STXBP5: variants seen among roughly 807,000 people sequenced by gnomAD.
The protein encoded by STXBP5 is syntaxin-binding protein 5.
In STXBP5, 50 loss-of-function variants were observed where a neutral mutation model predicts 152.4. The ratio of observed to expected loss-of-function variants is 0.33; its 90% CI spans 0.26 to 0.42. The LOEUF is 0.42. STXBP5 is among the 10% of genes least tolerant of loss of function. STXBP5 has a pLI of 1.00. For missense variants in STXBP5, 1,167 were observed against 1,388.6 expected, an observed-to-expected ratio of 0.84 and a Z score of 2.54; for synonymous variants, 492 against 494.7, an observed-to-expected ratio of 0.99 and a Z score of 0.07.
chr6:147,281,778 T>C (rs1780714679), intron 8 of STXBP5, among the ~76,000 whole-genome samples: 1 of 152,220 alleles, frequency 6.6e-6, no homozygotes, highest in South Asian at 2.1e-4. Context: ...GGTTAAGATA[T>C]CCTTGAAGAA....
chr6:147,365,169 A>C (rs996957174), intron 25 of STXBP5, among the ~76,000 whole-genome samples: 1 of 152,184 alleles, frequency 6.6e-6, no homozygotes, highest in African/African-American at 2.4e-5. Context: ...GCTATACTAT[A>C]CTGGAAACCT....
intron 9 of STXBP5, 24 bp downstream of exon 9, chr6:147,291,196 T>C: frequency 1.3e-6 from 2 of 1,593,728 alleles, no homozygotes; most frequent in Non-Finnish European, 1.7e-6. Flanking sequence ...TCATTGCCAA[T>C]GTTCATTGTA....
chr6:147,204,818 G>T lies in STXBP5; in HGVS notation c.150+136G>T. ...TAATAATAACTCTAATAAAAGGCTC[G>T]CTCCTCCCTTGGCAAACGTTTCTTC... On this transcript the variant is annotated intron_variant, in intron 1 of 27. Coordinates refer to ENST00000321680, the MANE Select transcript of STXBP5 (RefSeq NM_001127715.4). The surrounding 1 kb of genome is among the most constrained non-coding windows in gnomAD (Gnocchi z 4.3). 1 of 1,027,950 alleles carries T rather than the reference G, an allele frequency of 9.7e-7. No individual in the cohort carries two copies. The highest frequency in any genetic ancestry group is 1.3e-6 in the Non-Finnish European group (1 of 742,620). The allele number at this position is 1,027,950 out of a possible 1,614,324, so 63.7% of individuals were successfully genotyped here.
intron 23 of STXBP5, among the ~76,000 whole-genome samples, chr6:147,361,503 A>G (rs1437678067): frequency 6.6e-6 from 1 of 152,142 alleles, no homozygotes; most frequent in Admixed American, 6.5e-5. Flanking sequence ...TGTCATCGGT[A>G]TTGGAGCCCT....
At chr6:147,228,449 G>A (rs1379716313) in intron 2 of STXBP5, among the ~76,000 whole-genome samples, 4 of 151,868 alleles carry the variant, frequency 2.6e-5, no homozygotes, top group Admixed American at 2.6e-4. Context: ...GAACATTTTA[G>A]AGTGGTGTAT....
At chr6:147,287,940 A>G (rs1781070142) in intron 8 of STXBP5, among the ~76,000 whole-genome samples, 1 of 151,968 alleles carries the variant, frequency 6.6e-6, no homozygotes, top group African/African-American at 2.4e-5. Flanking sequence ...GATAGGTGTT[A>G]TGAGTCATTT....
At chr6:147,276,113 A>G (rs1052055465) in intron 7 of STXBP5, among the ~76,000 whole-genome samples, 3 of 152,192 alleles carry the variant, frequency 2.0e-5, no homozygotes, top group Admixed American at 6.5e-5. Context: ...TCTCAAGAAT[A>G]CTAAAGAAAA....
chr6:147,264,017 C>T (rs1779766762), intron 6 of STXBP5, among the ~76,000 whole-genome samples: 1 of 151,278 alleles, frequency 6.6e-6, no homozygotes, highest in African/African-American at 2.4e-5. Context: ...GCTCAATATA[C>T]AATTATATGG....
At position 147,278,181 on chromosome 6, in the gene STXBP5, C is replaced by T. The variant is rs1780536486; in HGVS notation, c.815C>T (p.Pro272Leu). Reference sequence around the variant, plus strand: ...TGGAATGTAAGGTCCCCTGCTAAACCAGTACAGACAATCACTCCACATGGT... The same window carrying T: ...TGGAATGTAAGGTCCCCTGCTAAACTAGTACAGACAATCACTCCACATGGT... ...TIWNVRSPAK[P>L]VQTITPHGKQ... The change falls in exon 8 of 28, where the codon CCA (proline) becomes CTA (leucine). Residue 272 changes from proline to leucine, a missense_variant. Physicochemically the swap from Pro to Leu is moderately conservative, Grantham distance 98 (BLOSUM62 -3). Around this residue, in one of 3 missense-constraint regions of STXBP5, gnomAD observed 310 missense variants for 346.1 expected, o/e 0.90. Coordinates refer to ENST00000321680, the MANE Select transcript of STXBP5 (RefSeq NM_001127715.4). The T allele has an allele frequency of 1.9e-6, 3 of 1,610,908 alleles. No individual in the cohort carries two copies. The highest frequency in any genetic ancestry group is 2.5e-6 in the Non-Finnish European group (3 of 1,178,164).
intron 2 of STXBP5, among the ~76,000 whole-genome samples, chr6:147,230,717 A>G (rs1230761204): frequency 6.6e-6 from 1 of 151,404 alleles, no homozygotes; most frequent in Non-Finnish European, 1.5e-5. Context: ...AGGGTTGGTA[A>G]TTTATACTGT....
chr6:147,215,633 C>T (rs1042349830), intron 2 of STXBP5, among the ~76,000 whole-genome samples: 2 of 152,194 alleles, frequency 1.3e-5, no homozygotes, highest in Admixed American at 1.3e-4. Flanking sequence ...CCGCCCACCT[C>T]AGCCTCCTAG....
intron 19 of STXBP5, among the ~76,000 whole-genome samples, chr6:147,338,887 G>GT (rs201971768): frequency 0.035 from 5,371 of 151,346 alleles, 147 homozygotes; most frequent in Admixed American, 0.054. Context: ...ACTATTTATA[G>GT]TTTTTTTTAA....
At chr6:147,344,964 A>G (rs1364515470) in intron 21 of STXBP5, among the ~76,000 whole-genome samples, 2 of 152,340 alleles carry the variant, frequency 1.3e-5, no homozygotes, top group African/African-American at 2.4e-5. Flanking sequence ...GAGTTCAAGA[A>G]TGAAAAGAAC....
chr6:147,217,710 A>G (rs528173314), intron 2 of STXBP5, among the ~76,000 whole-genome samples: 48 of 152,166 alleles, frequency 3.2e-4, no homozygotes, highest in Non-Finnish European at 6.0e-4. Flanking sequence ...ATAATTATGT[A>G]TTAGTCTGAA....
At chr6:147,263,193 A>T (rs1228596279) in intron 6 of STXBP5, among the ~76,000 whole-genome samples, 1 of 151,882 alleles carries the variant, frequency 6.6e-6, no homozygotes, top group Non-Finnish European at 1.5e-5. Flanking sequence ...GACCGTTTGG[A>T]GTTAGGTCAT....
At chr6:147,280,134 G>A (rs1251769155) in intron 8 of STXBP5, among the ~76,000 whole-genome samples, 1 of 151,254 alleles carries the variant, frequency 6.6e-6, no homozygotes, top group East Asian at 1.9e-4. Flanking sequence ...AGAGTTTTAT[G>A]TGGATTAGAT....
At chr6:147,284,687 A>G (rs1372795336) in intron 8 of STXBP5, among the ~76,000 whole-genome samples, 1 of 152,238 alleles carries the variant, frequency 6.6e-6, no homozygotes, top group Non-Finnish European at 1.5e-5. Context: ...GCACAAAGGC[A>G]CAAAGACATA....
chr6:147,253,348 C>A (rs1429777824), intron 4 of STXBP5, among the ~76,000 whole-genome samples: 3 of 152,180 alleles, frequency 2.0e-5, no homozygotes, highest in South Asian at 2.1e-4. Context: ...TAGCTAACAT[C>A]ATACCGAATG....
At chr6:147,341,559 A>G (rs561585883) in intron 21 of STXBP5, among the ~76,000 whole-genome samples, 1 of 152,290 alleles carries the variant, frequency 6.6e-6, no homozygotes, top group East Asian at 1.9e-4. Context: ...GGGTTGCACT[A>G]GTAAAAGAGC....
Sources: allele counts gnomAD v4.1 joint callset (sites outside exome capture counted in the v4.1 genomes callset), GRCh38; gene constraint gnomAD v4.1.1; regional missense constraint gnomAD v4.1.1; non-coding constraint Gnocchi (gnomAD v3.1); transcripts MANE v1.5; gene names NCBI Gene and HGNC (gene_info 2026-07-23, HGNC 2026-07-21).